DLGAP4: variants seen among roughly 807,000 people sequenced by gnomAD.
DLGAP4 encodes DLG associated protein 4, also known as disks large-associated protein 4.
Under a neutral mutation model 86.9 loss-of-function variants are expected in DLGAP4, and 18 were observed. The observed-to-expected ratio is 0.21, with a 90% confidence interval of 0.14 to 0.31. The LOEUF (loss-of-function observed/expected upper bound fraction) is 0.31, where lower values mean the gene tolerates loss of function less well. Among genes scored for constraint, DLGAP4 ranks in the 10% least tolerant of loss-of-function variants. The pLI, the probability that DLGAP4 is intolerant of heterozygous loss-of-function variation, is 1.00. For missense variants in DLGAP4, 1,085 were observed against 1,362.6 expected, an observed-to-expected ratio of 0.80 and a Z score of 3.21; for synonymous variants, 548 against 574.3, an observed-to-expected ratio of 0.95 and a Z score of 0.65.
chr20:36,388,716 G>C (rs552891009), intron 2 of DLGAP4, among the ~76,000 whole-genome samples: 2 of 152,338 alleles, frequency 1.3e-5, no homozygotes, highest in Non-Finnish European at 2.9e-5. Context: ...TACCTCAGAG[G>C]GTTGATGAGA....
intron 2 of DLGAP4, among the ~76,000 whole-genome samples, chr20:36,402,198 G>A (rs1048145527): frequency 2.6e-5 from 4 of 152,156 alleles, no homozygotes; most frequent in African/African-American, 9.7e-5. Context: ...ATGGGAATAG[G>A]CTGACAAAAA....
intron 1 of DLGAP4, among the ~76,000 whole-genome samples, chr20:36,336,516 C>T (rs2065323815): frequency 6.6e-6 from 1 of 152,212 alleles, no homozygotes; most frequent in Admixed American, 6.5e-5. Flanking sequence ...GCATCTTTCC[C>T]ACCGGACTTC....
intron 2 of DLGAP4, among the ~76,000 whole-genome samples, chr20:36,409,893 G>T (rs1232879416): frequency 6.6e-6 from 1 of 151,408 alleles, no homozygotes; most frequent in Admixed American, 6.6e-5. Context: ...AATTAGCCGG[G>T]TATGGTGGCG....
chr20:36,512,239 A>G (rs1449273859), intron 10 of DLGAP4, among the ~76,000 whole-genome samples: 1 of 151,468 alleles, frequency 6.6e-6, no homozygotes, highest in East Asian at 2.0e-4. Flanking sequence ...TTTAATAGAG[A>G]TGGAGTTTCA....
intron 7 of DLGAP4, among the ~76,000 whole-genome samples, chr20:36,494,518 T>G (rs1174146639): frequency 6.6e-6 from 1 of 152,240 alleles, no homozygotes; most frequent in Non-Finnish European, 1.5e-5. Context: ...CCCTCAATAG[T>G]AAGACCTTGC....
chr20:36,333,139 C>G (rs1555891744), intron 1 of DLGAP4, among the ~76,000 whole-genome samples: 1 of 152,114 alleles, frequency 6.6e-6, no homozygotes, highest in African/African-American at 2.4e-5. Context: ...GTGGGGGCTT[C>G]AGAGACCTTG....
intron 1 of DLGAP4, among the ~76,000 whole-genome samples, chr20:36,337,625 G>C (rs1555892197): frequency 6.6e-6 from 1 of 152,148 alleles, no homozygotes; most frequent in Non-Finnish European, 1.5e-5. Flanking sequence ...GGGATCCTGA[G>C]GGTTAAATTT....
intron 12 of DLGAP4, 49 bp from the exon 13 acceptor site, chr20:36,526,750 AGTGCCACACAAAAC>A: frequency 7.0e-7 from 1 of 1,423,362 alleles, no homozygotes; most frequent in Non-Finnish European, 9.5e-7. Flanking sequence ...TGGTGGGGGT[AGTGCCACACAAAAC>A]GTGGCACCTT....
intron 5 of DLGAP4, among the ~76,000 whole-genome samples, chr20:36,441,284 T>C (rs926709332): frequency 1.3e-5 from 2 of 152,146 alleles, no homozygotes; most frequent in Non-Finnish European, 2.9e-5. Flanking sequence ...TATATACGAG[T>C]GTGCCATGTC....
intron 1 of DLGAP4, among the ~76,000 whole-genome samples, chr20:36,310,209 AAAG>A (rs2065041563): frequency 2.9e-3 from 9 of 3,100 alleles, no homozygotes; most frequent in Admixed American, 9.8e-3. Flanking sequence ...AGAAAGAAAG[AAAG>A]AAAGAAAGAA....
intron 1 of DLGAP4, among the ~76,000 whole-genome samples, chr20:36,322,343 G>A (rs1208084467): frequency 6.6e-6 from 1 of 152,192 alleles, no homozygotes; most frequent in East Asian, 1.9e-4. Flanking sequence ...GGGGCCAGAC[G>A]GTATGGGGCC....
intron 7 of DLGAP4, among the ~76,000 whole-genome samples, chr20:36,460,803 A>C (rs2034007298): frequency 6.6e-6 from 1 of 152,216 alleles, no homozygotes; most frequent in African/African-American, 2.4e-5. Flanking sequence ...ATGAGATCGT[A>C]GGTGTGCTTG....
At chr20:36,507,218 TTTTTGTTTTG>T (rs529394477) in intron 10 of DLGAP4, among the ~76,000 whole-genome samples, 6 of 151,872 alleles carry the variant, frequency 4.0e-5, no homozygotes, top group Non-Finnish European at 5.9e-5. Context: ...AGTTGTTTTT[TTTTTGTTTTG>T]TTTTGTTTTG....
chr20:36,521,533 C>A (rs1344377029), intron 10 of DLGAP4, among the ~76,000 whole-genome samples: 1 of 152,170 alleles, frequency 6.6e-6, no homozygotes, highest in Non-Finnish European at 1.5e-5. Flanking sequence ...CCCAGCTTAA[C>A]TATTCATTTA....
intron 1 of DLGAP4, among the ~76,000 whole-genome samples, chr20:36,320,907 C>T (rs1359293990): frequency 1.3e-5 from 2 of 152,218 alleles, no homozygotes; most frequent in Non-Finnish European, 2.9e-5. Context: ...TCCTCTGAAT[C>T]CCCGAACCCT....
At chr20:36,440,299 G>A (rs1224136678) in intron 5 of DLGAP4, among the ~76,000 whole-genome samples, 1 of 152,182 alleles carries the variant, frequency 6.6e-6, no homozygotes, top group Non-Finnish European at 1.5e-5. Flanking sequence ...GCTGTTGAGA[G>A]GAATAAGTGG....
At chr20:36,488,130 G>A (rs920103801) in intron 7 of DLGAP4, among the ~76,000 whole-genome samples, 1 of 151,350 alleles carries the variant, frequency 6.6e-6, no homozygotes, top group African/African-American at 2.4e-5. Flanking sequence ...AACCCGGGAG[G>A]CAGAGGTTGC....
chr20:36,400,063 GAAAC>G (rs1025838632), intron 2 of DLGAP4, among the ~76,000 whole-genome samples: 21 of 152,290 alleles, frequency 1.4e-4, no homozygotes, highest in African/African-American at 4.8e-4. Flanking sequence ...TAACGAAACT[GAAAC>G]AAACAAACAA....
At position 36,342,268 on chromosome 20, in the gene DLGAP4, C is replaced by T. The variant is rs542406883; in HGVS notation, c.-303-24777C>T. 7.9e-5 allele frequency among the ~76,000 whole-genome samples: 12 copies of T among 152,304 alleles called. No homozygotes were observed. In the South Asian group the frequency reaches 2.5e-3, roughly 32 times the overall value. On this transcript the variant is annotated intron_variant, in intron 1 of 12. Transcript: ENST00000339266. The stretch of plus-strand genomic sequence containing the variant: ...GTGGGGCACAAGATGGCTCCTATCT[C>T]TTCATCCCACTGCAAGAACCTGGAA...
Sources: gnomAD v4.1 joint callset for allele counts (sites outside exome capture counted in the v4.1 genomes callset) on GRCh38, gnomAD v4.1.1 for gene constraint, MANE v1.5 for transcripts, NCBI Gene and HGNC (gene_info 2026-07-23, HGNC 2026-07-21) for gene names.